Variants in DMD observed in about 807,000 individuals in gnomAD.
The protein encoded by DMD is dystrophin.
In DMD, 63 loss-of-function variants were observed where a neutral mutation model predicts 330.1. The ratio of observed to expected loss-of-function variants is 0.19; its 90% CI spans 0.16 to 0.24. The LOEUF (loss-of-function observed/expected upper bound fraction) is 0.24, where lower values mean the gene tolerates loss of function less well. Ranked by LOEUF, DMD falls within the 10% of genes least tolerant of loss-of-function variation. The pLI is 1.00. For missense variants in DMD, 3,344 were observed against 2,684.1 expected, an observed-to-expected ratio of 1.25 and a Z score of -5.43; for synonymous variants, 1,223 against 959.8, an observed-to-expected ratio of 1.27 and a Z score of -5.07.
chrX:31,703,354 C>T (rs1021009532), intron 52 of DMD, among the ~76,000 whole-genome samples: 1 of 112,357 alleles, frequency 8.9e-6, no homozygotes, highest in Non-Finnish European at 1.9e-5. Flanking sequence ...AATGTTACCA[C>T]ACACCTCACA....
At chrX:31,943,517 T>C (rs2095035356) in intron 45 of DMD, among the ~76,000 whole-genome samples, 1 of 112,077 alleles carries the variant, frequency 8.9e-6, no homozygotes, top group Non-Finnish European at 1.9e-5. Context: ...GAATCAAACA[T>C]GGAAAATAGT....
Position 33,211,422 on chromosome X carries a change from C to A in DMD, c.-110G>T. The A allele has an allele frequency of 8.6e-7, 1 of 1,156,431 alleles. No individual in the cohort carries two copies. Among genetic ancestry groups the A allele is most frequent in the Admixed American group, 2.7e-5 (1 of 37,331 alleles). On this transcript the variant is annotated 5_prime_UTR_variant, in exon 1 of 79. Coordinates refer to ENST00000357033, the MANE Select transcript of DMD (RefSeq NM_004006.3). Reference sequence around the variant, plus strand: ...ATGAGAAACCAACAAACTTCAGCAGCTTTAAAAAAAGTAACACTTCAGTTT... The same window carrying A: ...ATGAGAAACCAACAAACTTCAGCAGATTTAAAAAAAGTAACACTTCAGTTT...
intron 60 of DMD, among the ~76,000 whole-genome samples, chrX:31,440,634 G>A (rs1297507483): frequency 8.9e-6 from 1 of 112,082 alleles, no homozygotes; most frequent in Non-Finnish European, 1.9e-5. Context: ...ATGATAATAG[G>A]TAATCATAAT....
At chrX:32,873,785 T>C (rs2083178104) in intron 2 of DMD, among the ~76,000 whole-genome samples, 1 of 112,507 alleles carries the variant, frequency 8.9e-6, no homozygotes, top group South Asian at 3.6e-4. Context: ...ATGTTATGTA[T>C]AATTGCCATC....
intron 50 of DMD, among the ~76,000 whole-genome samples, chrX:31,804,877 G>A (rs771933203): frequency 7.3e-4 from 72 of 98,764 alleles, no homozygotes; most frequent in African/African-American, 1.9e-3. Flanking sequence ...CTCTGACATC[G>A]CTCTGTTGCA....
intron 1 of DMD, among the ~76,000 whole-genome samples, chrX:33,175,106 T>C (rs776871286): frequency 8.9e-6 from 1 of 112,181 alleles, no homozygotes. Context: ...ATATGAGATA[T>C]AGCCACCTTC....
At chrX:32,775,980 A>G (rs1327882074) in intron 7 of DMD, among the ~76,000 whole-genome samples, 1 of 112,175 alleles carries the variant, frequency 8.9e-6, no homozygotes, top group African/African-American at 3.2e-5. Flanking sequence ...GTATGTTTTC[A>G]GAAAAAGTCA....
At position 32,388,341 on chromosome X, in the gene DMD, C is replaced by CTTTTTTTTTTTTTTT. The variant is rs3044988; in HGVS notation, c.4518+1159_4518+1160insAAAAAAAAAAAAAAA. Among the ~76,000 whole-genome samples the CTTTTTTTTTTTTTTT allele has an allele frequency of 4.6e-3, 363 of 78,426 alleles. 18 individuals are homozygous for CTTTTTTTTTTTTTTT. Among genetic ancestry groups the CTTTTTTTTTTTTTTT allele is most frequent in the African/African-American group, 0.017 (293 of 17,458 alleles). 68.1% of individuals were successfully genotyped at this position (78,426 alleles called of 115,157 possible). The stretch of plus-strand genomic sequence containing the variant: ...AGGCACTTGGGTCATTTATGCTTTC[C>CTTTTTTTTTTTTTTT]TTTTTTTTTTTTTTGGCAAAATTTA... On this transcript the variant is annotated intron_variant, in intron 32 of 78. Transcript: ENST00000357033.
At position 31,341,963 on chromosome X, in the gene DMD, A is replaced by T. The variant is rs894004072; in HGVS notation, c.9163+6593T>A. Among the ~76,000 whole-genome samples the T allele has an allele frequency of 2.7e-5, 3 of 110,686 alleles. No homozygotes were observed. In the East Asian group the frequency reaches 8.6e-4, roughly 32 times the overall value. ...TAACAAATTAACCACCGCCAAAACA[A>T]CACTTAACCTTGCTTAGGTAATGCA... On this transcript the variant is annotated intron_variant, in intron 61 of 78. Transcript: ENST00000357033.
At chrX:32,698,752 A>C (rs1367490543) in intron 8 of DMD, among the ~76,000 whole-genome samples, 1 of 111,837 alleles carries the variant, frequency 8.9e-6, no homozygotes, top group Non-Finnish European at 1.9e-5. Context: ...ATTTGCCTTT[A>C]ATCTTTCTCT....
chrX:31,846,378 A>G (rs899693621), intron 48 of DMD, among the ~76,000 whole-genome samples: 2 of 109,512 alleles, frequency 1.8e-5, no homozygotes, highest in Admixed American at 2.0e-4. Context: ...GGGAGCAACT[A>G]TAACAAGGTG....
At chrX:32,801,164 C>A (rs186607001) in intron 7 of DMD, among the ~76,000 whole-genome samples, 1 of 111,521 alleles carries the variant, frequency 9.0e-6, no homozygotes, top group Non-Finnish European at 1.9e-5. Flanking sequence ...ATTCCTATTT[C>A]TCCATATTCT....
At chrX:32,133,242 G>T (rs909308412) in intron 44 of DMD, among the ~76,000 whole-genome samples, 1 of 109,379 alleles carries the variant, frequency 9.1e-6, no homozygotes, top group Non-Finnish European at 1.9e-5. Context: ...TCCTGACCTC[G>T]TGATCTGCCC....
chrX:32,789,927 T>A (rs374227749), intron 7 of DMD, among the ~76,000 whole-genome samples: 2 of 112,333 alleles, frequency 1.8e-5, no homozygotes, highest in South Asian at 7.3e-4. Flanking sequence ...AAGAATGATA[T>A]TACAGGATAT....
intron 61 of DMD, among the ~76,000 whole-genome samples, chrX:31,341,891 G>GCGCGCGCACACACACACACA (rs374298104): frequency 3.0e-5 from 3 of 98,876 alleles, no homozygotes; most frequent in Non-Finnish European, 4.1e-5. Flanking sequence ...GTGCGCGCGC[G>GCGCGCGCACACACACACACA]CACACACACA....
intron 9 of DMD, among the ~76,000 whole-genome samples, chrX:32,655,156 T>G (rs1301396542): frequency 1.8e-5 from 2 of 111,869 alleles, no homozygotes; most frequent in East Asian, 2.8e-4. Context: ...GCTCTGATCT[T>G]AGTTATTTCT....
chrX:32,822,514 T>C (rs1445993928), intron 5 of DMD, among the ~76,000 whole-genome samples: 3 of 110,682 alleles, frequency 2.7e-5, no homozygotes, highest in Non-Finnish European at 1.9e-5. Flanking sequence ...TATGTATATG[T>C]ATACAATGAG....
chrX:33,184,716 CTTTCTTTTTTTTTTTTTT>C (rs1380793942), intron 1 of DMD, among the ~76,000 whole-genome samples: 3 of 74,353 alleles, frequency 4.0e-5, no homozygotes, highest in Non-Finnish European at 7.1e-5. Context: ...TTTATTTTTT[CTTTCTTTTTTTTTTTTTT>C]TTTTTTTGAG....
intron 45 of DMD, among the ~76,000 whole-genome samples, chrX:31,951,151 A>ATATATG (rs1435685570): frequency 3.3e-4 from 26 of 79,996 alleles, no homozygotes; most frequent in African/African-American, 1.6e-3. Flanking sequence ...GTGTATATAT[A>ATATATG]TATATATGTA....
Sources: allele counts gnomAD v4.1 joint callset (sites outside exome capture counted in the v4.1 genomes callset), GRCh38; gene constraint gnomAD v4.1.1; transcripts MANE v1.5; gene names NCBI Gene and HGNC (gene_info 2026-07-23, HGNC 2026-07-21).